BPIFB4: variants seen among roughly 807,000 people sequenced by gnomAD.
BPIFB4 encodes BPI fold-containing family B member 4.
In BPIFB4, 62 loss-of-function variants were observed where a neutral mutation model predicts 69.2. The ratio of observed to expected loss-of-function variants is 0.90; its 90% CI spans 0.73 to 1.11. BPIFB4 has a LOEUF of 1.11. Ranked by LOEUF, BPIFB4 falls within the 50% of genes least tolerant of loss-of-function variation. The pLI is 0.00. For missense variants in BPIFB4, 789 were observed against 792.0 expected (o/e 1.00, Z 0.04); for synonymous variants, 330 against 332.7 (o/e 0.99, Z 0.09).
intron 14 of BPIFB4, among the ~76,000 whole-genome samples, chr20:33,101,833 A>G (rs1310203720): frequency 2.0e-5 from 3 of 152,252 alleles, no homozygotes; most frequent in Non-Finnish European, 4.4e-5. Flanking sequence ...GGCATGAGCC[A>G]CTGCACCCGG....
At chr20:33,092,334 C>T (rs1232171601) in intron 10 of BPIFB4, 124 bp from the exon 11 acceptor site, 1 of 754,818 alleles carries the variant, frequency 1.3e-6, no homozygotes, top group Non-Finnish European at 2.2e-6. Flanking sequence ...AAGAGCCACT[C>T]AGACTCAGTG....
At chr20:33,104,005 G>A (rs184329399) in intron 15 of BPIFB4, among the ~76,000 whole-genome samples, 1 of 152,080 alleles carries the variant, frequency 6.6e-6, no homozygotes, top group East Asian at 1.9e-4. Context: ...CCTTACCACC[G>A]TGTTATGATT....
chr20:33,104,557 G>A, intron 15 of BPIFB4: 1 of 443,360 alleles, frequency 2.3e-6, no homozygotes, highest in Non-Finnish European at 4.0e-6. Context: ...CTCAATCCCT[G>A]CTTCATAGGG....
chr20:33,090,731 G>A lies in BPIFB4; in HGVS notation c.1075G>A (p.Gly359Arg). The A allele has an allele frequency of 1.2e-6, 2 of 1,614,130 alleles. No homozygotes were observed. Among genetic ancestry groups the A allele is most frequent in the Non-Finnish European group, 1.7e-6 (2 of 1,180,012 alleles). Reference sequence around the variant, plus strand: ...AGCTCTGATTCCTCTGGGGATATTGGGAAGTGTCCAGTACACCTTCTCCAG... The same window carrying A: ...AGCTCTGATTCCTCTGGGGATATTGAGAAGTGTCCAGTACACCTTCTCCAG... ...VDSLIPLGIL[G>R]SVQYTFSSLP... Residue 359 changes from glycine to arginine, a missense_variant, in exon 10 of 18, where the codon GGA (glycine) becomes AGA (arginine). Gly to Arg is a moderately radical substitution (Grantham distance 125). Coordinates refer to ENST00000375483, the MANE Select transcript of BPIFB4 (RefSeq NM_182519.3).
At chr20:33,095,610 G>A (rs1394590499) in intron 12 of BPIFB4, among the ~76,000 whole-genome samples, 1 of 152,142 alleles carries the variant, frequency 6.6e-6, no homozygotes, top group Non-Finnish European at 1.5e-5. Context: ...CAGGCCTTTG[G>A]AACAGACAGA....
intron 16 of BPIFB4, among the ~76,000 whole-genome samples, chr20:33,107,201 T>TAA (rs1040239751): frequency 1.5e-5 from 2 of 135,794 alleles, no homozygotes; most frequent in Admixed American, 7.4e-5. Flanking sequence ...AAGACTCAGT[T>TAA]AAAAAAAAAA....
intron 7 of BPIFB4, among the ~76,000 whole-genome samples, chr20:33,087,943 C>T (rs1195416649): frequency 6.6e-6 from 1 of 152,148 alleles, no homozygotes; most frequent in Non-Finnish European, 1.5e-5. Flanking sequence ...ATTGGCGCAG[C>T]TCTGAACAGT....
intron 10 of BPIFB4, among the ~76,000 whole-genome samples, chr20:33,091,685 G>A (rs1398708971): frequency 2.6e-5 from 4 of 152,390 alleles, no homozygotes; most frequent in Middle Eastern, 3.4e-3. Flanking sequence ...TGCCTGAGCT[G>A]AGGCTGAGTG....
chr20:33,098,985 C>CT (rs765813463), intron 13 of BPIFB4, among the ~76,000 whole-genome samples: 1,847 of 141,466 alleles, frequency 0.013, 31 homozygotes, highest in African/African-American at 0.039. Flanking sequence ...CCCTTACTTC[C>CT]TTTTTTTTTT....
intron 10 of BPIFB4, among the ~76,000 whole-genome samples, chr20:33,091,869 G>T (rs1981609991): frequency 1.3e-5 from 2 of 152,236 alleles, no homozygotes; most frequent in African/African-American, 2.4e-5. Flanking sequence ...CCTAAAGCAG[G>T]GGGTGTATGA....
chr20:33,093,618 A>C, intron 11 of BPIFB4, among the ~76,000 whole-genome samples: 1 of 90,110 alleles, frequency 1.1e-5, no homozygotes, highest in South Asian at 3.8e-4. Flanking sequence ...ATCCACCATC[A>C]ACCCATCCAT....
intron 4 of BPIFB4, 125 bp from the exon 5 acceptor site, chr20:33,083,242 G>T (rs1981294563): frequency 1.2e-6 from 1 of 857,330 alleles, no homozygotes; most frequent in African/African-American, 2.2e-5. Flanking sequence ...GGGGGCTGCT[G>T]GGTGGCAGTG....
intron 3 of BPIFB4, among the ~76,000 whole-genome samples, chr20:33,082,408 A>G (rs988020213): frequency 1.3e-5 from 2 of 152,094 alleles, no homozygotes; most frequent in African/African-American, 2.4e-5. Flanking sequence ...ATCTCGGCTT[A>G]CTGCAACCTC....
Position 33,082,829 on chromosome 20 carries a change from G to A in BPIFB4, c.107-109G>A, listed in dbSNP as rs1321661711. On this transcript the variant is annotated intron_variant, in intron 3 of 17. Transcript: ENST00000375483. ...CCCGTTCAGCCTCTGCTCTTCGCTG[G>A]TGGGAAAAGTGAGGCCCAGGGAGCT... The A allele has an allele frequency of 7.3e-6, 8 of 1,093,504 alleles. No individual in the cohort carries two copies. In the Admixed American group the frequency reaches 8.5e-5, roughly 12 times the overall value. The allele number at this position is 1,093,504 out of a possible 1,614,324, so 67.7% of individuals were successfully genotyped here. A position where few individuals can be genotyped will look rare whatever the true frequency, so the allele number is the denominator to read the frequency against.
chr20:33,107,410 T>C (rs1304263538), intron 16 of BPIFB4, among the ~76,000 whole-genome samples: 2 of 152,060 alleles, frequency 1.3e-5, no homozygotes, highest in Admixed American at 6.6e-5. Context: ...CTGGCCAACA[T>C]AGTGAAACCC....
chr20:33,087,495 C>T (rs972052358), intron 7 of BPIFB4, among the ~76,000 whole-genome samples: 7 of 152,272 alleles, frequency 4.6e-5, no homozygotes, highest in African/African-American at 1.2e-4. Context: ...TTTACAGCTA[C>T]GTAATATTCC....
chr20:33,081,468 G>A, intron 2 of BPIFB4, 44 bp from the exon 3 acceptor site: 2 of 1,543,900 alleles, frequency 1.3e-6, no homozygotes, highest in Non-Finnish European at 1.7e-6. Context: ...TGGCCAGGGT[G>A]GTGGCGCCCA....
chr20:33,109,378 A>G (rs1159502532), intron 17 of BPIFB4, among the ~76,000 whole-genome samples: 1 of 152,148 alleles, frequency 6.6e-6, no homozygotes, highest in Non-Finnish European at 1.5e-5. Context: ...GCCTTACCAC[A>G]TGACCTTTCA....
Position 33,081,669 on chromosome 20 carries a change from G to C in BPIFB4, c.106+37G>C, listed in dbSNP as rs778593596. ...CCCAAAGGGGTGAGGGTTGGCATGG[G>C]GTGAGCAGGGCAGCTCTGCCAACTC... is the stretch of plus-strand genomic sequence containing the variant. On this transcript the variant is annotated intron_variant, in intron 3 of 17. Coordinates refer to ENST00000375483, the MANE Select transcript of BPIFB4 (RefSeq NM_182519.3). 16 of 1,549,844 alleles carry C rather than the reference G, an allele frequency of 1.0e-5. No individual in the cohort carries two copies. The South Asian group carries it at 1.9e-4, about 18-fold the overall frequency.
Sources: gnomAD v4.1 joint callset for allele counts (sites outside exome capture counted in the v4.1 genomes callset) on GRCh38, gnomAD v4.1.1 for gene constraint, MANE v1.5 for transcripts, NCBI Gene and HGNC (gene_info 2026-07-23, HGNC 2026-07-21) for gene names.